PGAP1: variants seen among roughly 807,000 people sequenced by gnomAD.
The protein encoded by PGAP1 is post-GPI attachment to proteins inositol deacylase 1.
Under a neutral mutation model 127.0 loss-of-function variants are expected in PGAP1, and 76 were observed. The ratio of observed to expected loss-of-function variants is 0.60; its 90% CI spans 0.50 to 0.72. PGAP1 has a LOEUF of 0.72. Ranked by LOEUF, PGAP1 falls within the 30% of genes least tolerant of loss-of-function variation. The pLI, the probability that PGAP1 is intolerant of heterozygous loss-of-function variation, is 0.00. For synonymous variants in PGAP1, 362 were observed against 366.5 expected (o/e 0.99, Z 0.14); for missense variants, 982 against 1,071.3 (o/e 0.92, Z 1.16).
chr2:196,836,097 C>T lies in PGAP1; in HGVS notation c.*5137G>A, dbSNP rs1700229052. The T allele has an allele frequency of 6.6e-6, 1 of 152,294 alleles. No homozygotes were observed. The highest frequency in any genetic ancestry group is 2.1e-4 in the South Asian group (1 of 4,836). 9.4% of individuals were successfully genotyped at this position (152,294 alleles called of 1,614,324 possible). A position where few individuals can be genotyped will look rare whatever the true frequency, so the allele number is the denominator to read the frequency against. On this transcript the variant is annotated 3_prime_UTR_variant, in exon 27 of 27. Transcript: ENST00000354764. ...ATCTACACTAACTAATCAAAACACA[C>T]CAACAGATACAGTTTTTCATAAGTG...
chr2:196,921,661 T>C (rs1703197340), intron 1 of PGAP1, among the ~76,000 whole-genome samples: 1 of 152,138 alleles, frequency 6.6e-6, no homozygotes, highest in African/African-American at 2.4e-5. Flanking sequence ...AAATATTTAA[T>C]TTTCTTGAGA....
At chr2:196,853,826 C>T (rs72920807) in intron 20 of PGAP1, among the ~76,000 whole-genome samples, 1 of 151,744 alleles carries the variant, frequency 6.6e-6, no homozygotes, top group Non-Finnish European at 1.5e-5. Flanking sequence ...AACCGAAATA[C>T]TATTATTTCA....
At chr2:196,883,293 G>C (rs529339288) in intron 12 of PGAP1, among the ~76,000 whole-genome samples, 158 of 152,300 alleles carry the variant, frequency 1.0e-3, no homozygotes, top group African/African-American at 3.5e-3. Context: ...CACCAATGTG[G>C]GCAAGGAGGA....
chr2:196,843,922 T>G lies in PGAP1; in HGVS notation c.2491A>C (p.Met831Leu). The G allele has an allele frequency of 6.5e-7, 1 of 1,544,010 alleles. No homozygotes were observed. The highest frequency in any genetic ancestry group is 1.3e-5 in the South Asian group (1 of 78,828). Reference sequence around the variant, plus strand: ...TTTAGCCAATAAATTAGAGAAGGCATGCTGAGTAATACAATCCATGTTAGT... The same window carrying G: ...TTTAGCCAATAAATTAGAGAAGGCAGGCTGAGTAATACAATCCATGTTAGT... ...NLLTWIVLLS[M>L]PSLIYWLKNL... Residue 831 changes from methionine to leucine, a missense_variant, in exon 25 of 27, where the codon ATG becomes CTG. Physicochemically the swap from Met to Leu is conservative, Grantham distance 15 (BLOSUM62 2). Transcript: ENST00000354764.
intron 10 of PGAP1, among the ~76,000 whole-genome samples, chr2:196,889,970 G>A (rs569047415): frequency 8.7e-5 from 13 of 150,284 alleles, no homozygotes; most frequent in Non-Finnish European, 1.3e-4. Flanking sequence ...GCCTCACTTC[G>A]TCACCCAGGC....
chr2:196,885,538 A>G (rs912146563), intron 11 of PGAP1, 63 bp from the exon 12 acceptor site: 5 of 1,226,652 alleles, frequency 4.1e-6, no homozygotes, highest in Non-Finnish European at 5.8e-6. Context: ...CAAATTATAA[A>G]TAAGATTCAG....
At chr2:196,872,585 A>C (rs201739396) in intron 17 of PGAP1, 36 bp from the exon 18 acceptor site, 1 of 1,427,162 alleles carries the variant, frequency 7.0e-7, no homozygotes, top group Admixed American at 1.7e-5. Context: ...TCTCAAATAC[A>C]AAATGCTGGT....
Position 196,861,512 on chromosome 2 carries a change from G to T in PGAP1, c.1861+3475C>A, listed in dbSNP as rs567124434. Reference sequence around the variant, plus strand: ...ACTCTAATTTTAAAAGTGGCCAAAAGATCTGAACAGACATTTCTCAACAGA... The same window carrying T: ...ACTCTAATTTTAAAAGTGGCCAAAATATCTGAACAGACATTTCTCAACAGA... On this transcript the variant is annotated intron_variant, in intron 20 of 26. Coordinates refer to ENST00000354764, the MANE Select transcript of PGAP1 (RefSeq NM_024989.4). Among the ~76,000 whole-genome samples the T allele has an allele frequency of 3.9e-4, 60 of 152,308 alleles. 1 individual carries two copies. The highest frequency in any genetic ancestry group is 1.4e-3 in the African/African-American group (60 of 41,574).
Position 196,833,807 on chromosome 2 carries a change from A to G in PGAP1, c.*7427T>C, listed in dbSNP as rs1700160909. 1 of 152,134 alleles carries G rather than the reference A, an allele frequency of 6.6e-6. No individual in the cohort carries two copies. Among genetic ancestry groups the G allele is most frequent in the African/African-American group, 2.4e-5 (1 of 41,448 alleles). The allele number at this position is 152,134 out of a possible 1,614,324, so 9.4% of individuals were successfully genotyped here. On this transcript the variant is annotated 3_prime_UTR_variant, in exon 27 of 27. Coordinates refer to ENST00000354764, the MANE Select transcript of PGAP1 (RefSeq NM_024989.4). ...CAGAGACCATGATTATCCTGTGAAT[A>G]AAATAATTTGGACCTTAATATAAAT...
In PGAP1 at chr2:196,919,850, A is replaced by G. The variant is rs529593521; in HGVS notation, c.301+147T>C. ...ATTATTCTCTCTCAGAGAAAATATT[A>G]TATTTTGGTCTCTCTGTAAGCCCAG... is the stretch of plus-strand genomic sequence containing the variant. On this transcript the variant is annotated intron_variant, in intron 2 of 26. Transcript: ENST00000354764. 19 of 720,212 alleles carry G rather than the reference A, an allele frequency of 2.6e-5. No homozygotes were observed. In the South Asian group the frequency reaches 5.0e-4, roughly 19 times the overall value. The allele number at this position is 720,212 out of a possible 1,614,324, so 44.6% of individuals were successfully genotyped here. A position where few individuals can be genotyped will look rare whatever the true frequency, so the allele number is the denominator to read the frequency against.
intron 7 of PGAP1, among the ~76,000 whole-genome samples, chr2:196,896,163 T>A (rs1336087180): frequency 6.6e-6 from 1 of 152,232 alleles, no homozygotes; most frequent in Non-Finnish European, 1.5e-5. Context: ...ATACTATGAT[T>A]TCCATATGTT....
At chr2:196,888,836 T>C (rs1312278614) in intron 10 of PGAP1, among the ~76,000 whole-genome samples, 1 of 152,144 alleles carries the variant, frequency 6.6e-6, no homozygotes. Context: ...AAAATCCTTA[T>C]AGGAAAACAT....
intron 20 of PGAP1, 70 bp downstream of exon 20, chr2:196,864,917 T>C (rs575391242): frequency 8.0e-6 from 6 of 752,226 alleles, no homozygotes; most frequent in African/African-American, 3.7e-5. Context: ...TAAACACATA[T>C]GTGGAACTAA....
At chr2:196,899,772 G>A (rs1326621820) in intron 5 of PGAP1, among the ~76,000 whole-genome samples, 4 of 152,164 alleles carry the variant, frequency 2.6e-5, no homozygotes, top group Admixed American at 6.5e-5. Context: ...AGTGGCTCAC[G>A]CCTGTAATCC....
At chr2:196,889,136 T>C (rs1303067347) in intron 10 of PGAP1, among the ~76,000 whole-genome samples, 1 of 152,190 alleles carries the variant, frequency 6.6e-6, no homozygotes, top group Non-Finnish European at 1.5e-5. Flanking sequence ...GCCAAATGAA[T>C]AATTTGCACT....
chr2:196,867,458 C>T, intron 19 of PGAP1, among the ~76,000 whole-genome samples: 1 of 152,102 alleles, frequency 6.6e-6, no homozygotes, highest in East Asian at 1.9e-4. Context: ...AAGAACATCA[C>T]ACACCAGGGC....
At chr2:196,864,616 T>C (rs1328484086) in intron 20 of PGAP1, among the ~76,000 whole-genome samples, 2 of 152,088 alleles carry the variant, frequency 1.3e-5, no homozygotes, top group Admixed American at 1.3e-4. Context: ...ATGACACTGA[T>C]ACAAAAGTGA....
Position 196,833,984 on chromosome 2 carries a change from G to C in PGAP1, c.*7250C>G, listed in dbSNP as rs990311951. 1 of 151,798 alleles carries C rather than the reference G, an allele frequency of 6.6e-6. No individual in the cohort carries two copies. The highest frequency in any genetic ancestry group is 2.4e-5 in the African/African-American group (1 of 41,348). 9.4% of individuals were successfully genotyped at this position (151,798 alleles called of 1,614,324 possible). On this transcript the variant is annotated 3_prime_UTR_variant, in exon 27 of 27. Transcript: ENST00000354764. Reference sequence around the variant, plus strand: ...AATAATGTTTTAAAATATACTACATGAATGAGTTTATTAATTATTAAAAAT... The same window carrying C: ...AATAATGTTTTAAAATATACTACATCAATGAGTTTATTAATTATTAAAAAT...
At chr2:196,891,429 G>A (rs332297) in intron 9 of PGAP1, among the ~76,000 whole-genome samples, 38,584 of 152,068 alleles carry the variant, frequency 0.25, 6,041 homozygotes, top group African/African-American at 0.45. Flanking sequence ...TATCAACAAA[G>A]CTCAGGAACT....
Sources: gnomAD v4.1 joint callset for allele counts (sites outside exome capture counted in the v4.1 genomes callset) on GRCh38, gnomAD v4.1.1 for gene constraint, MANE v1.5 for transcripts, NCBI Gene and HGNC (gene_info 2026-07-23, HGNC 2026-07-21) for gene names.